Variants in NXPE2 observed in about 807,000 individuals in gnomAD.
The protein encoded by NXPE2 is neurexophilin and PC-esterase domain family member 2.
Under a neutral mutation model 34.4 loss-of-function variants are expected in NXPE2, and 34 were observed. That is an observed-to-expected ratio of 0.99 (90% CI 0.75 to 1.31). The LOEUF (loss-of-function observed/expected upper bound fraction) is 1.31. Ranked by LOEUF, NXPE2 falls within the 40% of genes most tolerant of loss-of-function variation. The pLI, the probability that NXPE2 is intolerant of heterozygous loss-of-function variation, is 0.00. For synonymous variants in NXPE2, 235 were observed against 231.3 expected (o/e 1.02, Z -0.15); for missense variants, 649 against 672.5 (o/e 0.97, Z 0.39).
chr11:114,738,692 A>C, the NXPE2 span, among the ~76,000 whole-genome samples: 2 of 152,152 alleles, frequency 1.3e-5, no homozygotes, highest in Non-Finnish European at 2.9e-5. Flanking sequence ...CCATTCCTCC[A>C]TGTCAGTGAT....
the NXPE2 span, among the ~76,000 whole-genome samples, chr11:114,478,567 A>G: frequency 6.6e-6 from 1 of 152,128 alleles, no homozygotes; most frequent in Non-Finnish European, 1.5e-5. Context: ...AATTCCTTGA[A>G]TGTGGTCCAA....
chr11:114,624,979 G>A, the NXPE2 span, among the ~76,000 whole-genome samples: 2 of 151,668 alleles, frequency 1.3e-5, no homozygotes, highest in Non-Finnish European at 2.9e-5. Context: ...TGGATAGTAA[G>A]TGTTGCCTCG....
intron 2 of NXPE2, among the ~76,000 whole-genome samples, chr11:114,688,391 T>C (rs150905380): frequency 1.2e-3 from 190 of 152,298 alleles, no homozygotes; most frequent in African/African-American, 4.3e-3. Context: ...ATCACATTTA[T>C]TGATTTGCAT....
chr11:114,556,507 C>T, the NXPE2 span, among the ~76,000 whole-genome samples: 2 of 151,888 alleles, frequency 1.3e-5, no homozygotes, highest in Non-Finnish European at 2.9e-5. Flanking sequence ...CATCTCCAGG[C>T]TGCAAGTCTG....
At chr11:114,661,453 GC>G in the NXPE2 span, among the ~76,000 whole-genome samples, 1 of 152,184 alleles carries the variant, frequency 6.6e-6, no homozygotes, top group Non-Finnish European at 1.5e-5. Context: ...TGGTGAGCCA[GC>G]CTCTAAGGTT....
chr11:114,716,532 G>T, the NXPE2 span, among the ~76,000 whole-genome samples: 1 of 152,178 alleles, frequency 6.6e-6, no homozygotes, highest in African/African-American at 2.4e-5. Context: ...CTTCTGGCAT[G>T]GTGGGACCTG....
At chr11:114,699,975 G>A (rs1254263031) in intron 3 of NXPE2, among the ~76,000 whole-genome samples, 1 of 152,006 alleles carries the variant, frequency 6.6e-6, no homozygotes, top group East Asian at 1.9e-4. Context: ...TGTATCTTTA[G>A]TAGAGACAGG....
At chr11:114,581,129 G>C in the NXPE2 span, among the ~76,000 whole-genome samples, 1 of 152,114 alleles carries the variant, frequency 6.6e-6, no homozygotes, top group Admixed American at 6.5e-5. Flanking sequence ...TGATTAGCAA[G>C]GTTTTAATGC....
At chr11:114,810,965 G>A in the NXPE2 span, among the ~76,000 whole-genome samples, 1 of 152,088 alleles carries the variant, frequency 6.6e-6, no homozygotes, top group Non-Finnish European at 1.5e-5. Flanking sequence ...ACTGGATTAA[G>A]AAAATGTGGC....
At chr11:114,560,992 T>G in the NXPE2 span, among the ~76,000 whole-genome samples, 6 of 152,210 alleles carry the variant, frequency 3.9e-5, no homozygotes, top group Non-Finnish European at 8.8e-5. Flanking sequence ...TGACTACATA[T>G]TGGAGACCTT....
chr11:114,535,085 G>A, the NXPE2 span, among the ~76,000 whole-genome samples: 1,027 of 152,284 alleles, frequency 6.7e-3, 10 homozygotes, highest in African/African-American at 0.022. Context: ...CTGATCTCTT[G>A]CCAGAAACTC....
chr11:114,517,088 C>T, the NXPE2 span, among the ~76,000 whole-genome samples: 3 of 152,292 alleles, frequency 2.0e-5, no homozygotes, highest in East Asian at 5.8e-4. Flanking sequence ...TGAGTAAATC[C>T]ATGTTTATTG....
At chr11:114,633,518 T>A in the NXPE2 span, among the ~76,000 whole-genome samples, 1 of 151,156 alleles carries the variant, frequency 6.6e-6, no homozygotes, top group Non-Finnish European at 1.5e-5. Flanking sequence ...AATGTGCAGG[T>A]TAGTTATCCA....
the NXPE2 span, among the ~76,000 whole-genome samples, chr11:114,640,569 A>C: frequency 1.3e-5 from 2 of 151,772 alleles, no homozygotes; most frequent in African/African-American, 4.8e-5. Context: ...TTACACTCCC[A>C]CCCACAATGC....
the NXPE2 span, among the ~76,000 whole-genome samples, chr11:114,469,528 C>A: frequency 6.6e-6 from 1 of 151,572 alleles, no homozygotes; most frequent in African/African-American, 2.4e-5. Flanking sequence ...CTCGCACTCT[C>A]GCCTGGGCTA....
the NXPE2 span, among the ~76,000 whole-genome samples, chr11:114,732,904 A>G: frequency 1.3e-5 from 2 of 152,036 alleles, no homozygotes; most frequent in African/African-American, 2.4e-5. Context: ...TGCATAACCT[A>G]CTTTCTTAGT....
the NXPE2 span, among the ~76,000 whole-genome samples, chr11:114,740,744 A>G: frequency 6.6e-6 from 1 of 152,124 alleles, no homozygotes; most frequent in African/African-American, 2.4e-5. Flanking sequence ...TTGATGAGCT[A>G]TCCATTGTCA....
chr11:114,749,341 C>CA, the NXPE2 span, among the ~76,000 whole-genome samples: 149 of 152,260 alleles, frequency 9.8e-4, no homozygotes, highest in Admixed American at 8.1e-3. Flanking sequence ...TGTATACAGT[C>CA]AGCCCTCTGT....
chr11:114,670,892 G>A, the NXPE2 span, among the ~76,000 whole-genome samples: 24 of 151,340 alleles, frequency 1.6e-4, no homozygotes, highest in African/African-American at 5.8e-4. Flanking sequence ...CCTCTGAGAG[G>A]GCCAAGTTGT....
Sources: gnomAD v4.1 joint callset for allele counts (sites outside exome capture counted in the v4.1 genomes callset) on GRCh38, gnomAD v4.1.1 for gene constraint, MANE v1.5 for transcripts, NCBI Gene and HGNC (gene_info 2026-07-23, HGNC 2026-07-21) for gene names.